SPTB: variants seen among roughly 807,000 people sequenced by gnomAD.
SPTB encodes the protein spectrin beta chain, erythrocytic.
A neutral mutation model predicts 256.2 loss-of-function variants in SPTB; 45 were observed. That is an observed-to-expected ratio of 0.18 (90% CI 0.14 to 0.23). SPTB has a LOEUF of 0.23. Ranked by LOEUF, SPTB falls within the 10% of genes least tolerant of loss-of-function variation. The probability of loss-of-function intolerance (pLI) is 1.00; values close to 1 mark genes in which losing one functional copy is unlikely to be tolerated. For missense variants in SPTB, 2,715 were observed against 3,040.4 expected, an observed-to-expected ratio of 0.89 and a Z score of 2.52; for synonymous variants, 1,231 against 1,243.1, an observed-to-expected ratio of 0.99 and a Z score of 0.21.
At position 64,837,704 on chromosome 14, in the gene SPTB, C is replaced by T. The variant is rs577154755; in HGVS notation, c.-51-14559G>A. Among the ~76,000 whole-genome samples, 5 of 152,240 alleles carry T rather than the reference C, an allele frequency of 3.3e-5. No homozygotes were observed. The South Asian group carries it at 8.3e-4, about 25-fold the overall frequency. ...GCAACCTCTGCCTCCCAGGTTCAAG[C>T]GATTCTCCTGCCTCAGGCTCCCAAG... On this transcript the variant is annotated intron_variant, in intron 1 of 35. Transcript: ENST00000644917.
chr14:64,762,539 C>T (rs1232795435), intron 32 of SPTB, among the ~76,000 whole-genome samples: 4 of 152,204 alleles, frequency 2.6e-5, no homozygotes, highest in Admixed American at 2.6e-4. Context: ...GCCTCACGTT[C>T]GTAAGTGCTG....
At chr14:64,843,153 T>C (rs1386734145) in intron 1 of SPTB, among the ~76,000 whole-genome samples, 3 of 152,230 alleles carry the variant, frequency 2.0e-5, no homozygotes, top group Non-Finnish European at 4.4e-5. Flanking sequence ...GTACTGGCCA[T>C]CTTGCCCTTT....
chr14:64,821,482 C>T lies in SPTB; in HGVS notation c.148+1465G>A, dbSNP rs75579875. Among the ~76,000 whole-genome samples, 152 of 152,292 alleles carry T rather than the reference C, an allele frequency of 1.0e-3. 1 individual carries two copies. The highest frequency in any genetic ancestry group is 1.6e-3 in the Non-Finnish European group (108 of 68,026). On this transcript the variant is annotated intron_variant, in intron 2 of 35. Transcript: ENST00000644917. ...TCTTACCTTGCTTTGGCAAATCTTA[C>T]GGAATATGGTACCCCTCTCCCTCCA...
At chr14:64,801,434 G>T in intron 6 of SPTB, 34 bp from the exon 7 acceptor site, 2 of 1,512,486 alleles carry the variant, frequency 1.3e-6, no homozygotes, top group Non-Finnish European at 9.2e-7. Flanking sequence ...AAAGGGAGTA[G>T]CCACAGCATC....
intron 1 of SPTB, among the ~76,000 whole-genome samples, chr14:64,871,493 A>G (rs1882531561): frequency 6.6e-6 from 1 of 152,226 alleles, no homozygotes; most frequent in African/African-American, 2.4e-5. Context: ...TGATGAACAC[A>G]GTGGTTCAGT....
rs937156888 is a variant in SPTB, at chr14:64,777,773, T to C, written c.4563+1384A>G. 6.6e-6 allele frequency among the ~76,000 whole-genome samples: 1 copy of C among 152,122 alleles called. No homozygotes were observed. The highest frequency in any genetic ancestry group is 6.5e-5 in the Admixed American group (1 of 15,284). ...GGTTTTAGGTGAGGAAATGATAAAA[T>C]TGGATTTATGGTTTAGCCAGGTGAG... On this transcript the variant is annotated intron_variant, in intron 22 of 35. Coordinates refer to ENST00000644917, the MANE Select transcript of SPTB (RefSeq NM_001355436.2). This position sits in a 1 kb window ranked among gnomAD's most constrained non-coding sequence, Gnocchi z 4.5.
chr14:64,768,084 C>G (rs1306679002), intron 29 of SPTB: 1 of 604,564 alleles, frequency 1.7e-6, no homozygotes, highest in African/African-American at 1.8e-5. Context: ...ATCTGTCACC[C>G]AGGCTGGAGT....
In SPTB at chr14:64,772,986, G is replaced by C. The variant is rs765469625; in HGVS notation, c.5179-32C>G. 7 of 1,588,368 alleles carry C rather than the reference G, an allele frequency of 4.4e-6. No individual in the cohort carries two copies. The highest frequency in any genetic ancestry group is 3.4e-5 in the South Asian group (3 of 88,870). On this transcript the variant is annotated intron_variant, in intron 25 of 35. Transcript: ENST00000644917. The surrounding 1 kb of genome is among the most constrained non-coding windows in gnomAD (Gnocchi z 5.4). ...ATGGGGCAGACAGAAATGTGGTTAT[G>C]GGGGGCACAGGGGTTACAGGTGTCA...
At chr14:64,820,575 G>T (rs1204645581) in intron 2 of SPTB, among the ~76,000 whole-genome samples, 1 of 152,182 alleles carries the variant, frequency 6.6e-6, no homozygotes, top group Non-Finnish European at 1.5e-5. Flanking sequence ...CTCCCTGGGG[G>T]GCATTCAGAT....
In SPTB at chr14:64,793,651, C is replaced by T. The variant is rs2082716296; in HGVS notation, c.2012G>A (p.Ser671Asn). 5 of 1,614,182 alleles carry T rather than the reference C, an allele frequency of 3.1e-6. No individual in the cohort carries two copies. Among genetic ancestry groups the T allele is most frequent in the Non-Finnish European group, 4.2e-6 (5 of 1,180,050 alleles). The change falls in exon 14 of 36, where the codon AGT becomes AAT. Residue 671 changes from serine to asparagine, a missense_variant. By Grantham distance (46) the Ser-to-Asn change is conservative. Transcript: ENST00000644917. The surrounding 1 kb of genome is among the most constrained non-coding windows in gnomAD (Gnocchi z 7.0). ...SSLDYGKDLT[S>N]VLILQRKHKA... ...GTGCTTGCGCTGTAAGATGAGCACA[C>T]TGGTCAGGTCTTTGCCATAGTCCAG...
At position 64,801,569 on chromosome 14, in the gene SPTB, T is replaced by G. The variant is rs529122566; in HGVS notation, c.648-169A>C. ...GGGGGCAGGTGTGAGCCTTGGCATA[T>G]GAGGGAAGTGGGCGGCAGGCATGCT... is the stretch of plus-strand genomic sequence containing the variant. On this transcript the variant is annotated intron_variant, in intron 6 of 35. Transcript: ENST00000644917. Among the ~76,000 whole-genome samples, 4 of 152,002 alleles carry G rather than the reference T, an allele frequency of 2.6e-5. No homozygotes were observed. In the East Asian group the frequency reaches 7.8e-4, roughly 30 times the overall value.
chr14:64,784,534 G>A, intron 18 of SPTB, 141 bp from the exon 19 acceptor site: 1 of 1,159,962 alleles, frequency 8.6e-7, no homozygotes, highest in South Asian at 1.3e-5. Flanking sequence ...TGCAGTTCTG[G>A]ATCCCTCTGT....
At position 64,767,654 on chromosome 14, in the gene SPTB, C is replaced by G. The variant is rs2082208719; in HGVS notation, c.6219+9G>C. On this transcript the variant is annotated intron_variant, in intron 30 of 35. Coordinates refer to ENST00000644917, the MANE Select transcript of SPTB (RefSeq NM_001355436.2). ...CCTCCTGAGCCTCCCAGCACTGTTC[C>G]CTGCTCACCGTGGTGGGCTTCTCCA... The G allele has an allele frequency of 1.2e-6, 2 of 1,613,878 alleles. No individual in the cohort carries two copies. Among genetic ancestry groups the G allele is most frequent in the East Asian group, 4.5e-5 (2 of 44,878 alleles).
At chr14:64,811,303 T>C (rs917667418) in intron 2 of SPTB, among the ~76,000 whole-genome samples, 4 of 152,154 alleles carry the variant, frequency 2.6e-5, no homozygotes, top group African/African-American at 9.7e-5. Context: ...CTTAAATGTA[T>C]AAAAAATTGT....
In SPTB at chr14:64,749,793, C is replaced by A. The variant is rs1484150636; in HGVS notation, c.6777-97G>T. Reference sequence around the variant, plus strand: ...TCCCACAATACCCTGAGCCGAACATCCAGACCCCTCTCAGGCAGCCCAGCA... The same window carrying A: ...TCCCACAATACCCTGAGCCGAACATACAGACCCCTCTCAGGCAGCCCAGCA... On this transcript the variant is annotated intron_variant, in intron 34 of 35. Coordinates refer to ENST00000644917, the MANE Select transcript of SPTB (RefSeq NM_001355436.2). The surrounding 1 kb of genome is among the most constrained non-coding windows in gnomAD (Gnocchi z 4.7). 1.2e-5 allele frequency: 18 copies of A among 1,530,316 alleles called. No homozygotes were observed. Among genetic ancestry groups the A allele is most frequent in the Non-Finnish European group, 1.5e-5 (17 of 1,118,466 alleles). The allele number at this position is 1,530,316 out of a possible 1,614,324, so 94.8% of individuals were successfully genotyped here. A position where few individuals can be genotyped will look rare whatever the true frequency, so the allele number is the denominator to read the frequency against.
rs139871838 is a variant in SPTB, at chr14:64,799,769, G to C, written c.1042C>G (p.Arg348Gly). 6.2e-7 allele frequency: 1 copy of C among 1,614,180 alleles called. No homozygotes were observed. Among genetic ancestry groups the C allele is most frequent in the South Asian group, 1.1e-5 (1 of 91,076 alleles). The change falls in exon 9 of 36, where the codon CGC (arginine) becomes GGC (glycine). Residue 348 changes from arginine (R) to glycine (G), a missense_variant. Transcript: ENST00000644917. ...TACTTGGGCGGCTTCTCCACGGTGC[G>C]GTAGGTGCTGAAGGCCTGCAGCTGC... The part of the protein sequence containing the change: ...QQQLQAFSTY[R>G]TVEKPPKFQE...
chr14:64,867,061 G>A (rs993387262), intron 1 of SPTB, among the ~76,000 whole-genome samples: 2 of 152,132 alleles, frequency 1.3e-5, no homozygotes, highest in East Asian at 3.9e-4. Flanking sequence ...AGACATATCT[G>A]ACGATGTAAG....
At position 64,853,046 on chromosome 14, in the gene SPTB, T is replaced by G. The variant is rs1046379482; in HGVS notation, c.-52+26746A>C. ...CTTCCCTGAGGAAGTAGCCTTTAAA[T>G]GGATACCTATGGGACAAATAAGAGA... On this transcript the variant is annotated intron_variant, in intron 1 of 35. Coordinates refer to ENST00000644917, the MANE Select transcript of SPTB (RefSeq NM_001355436.2). The surrounding 1 kb of genome is among the most constrained non-coding windows in gnomAD (Gnocchi z 4.3). Among the ~76,000 whole-genome samples the G allele has an allele frequency of 1.4e-4, 21 of 152,226 alleles. No homozygotes were observed. Among genetic ancestry groups the G allele is most frequent in the African/African-American group, 4.6e-4 (19 of 41,510 alleles).
rs1418919466 is a variant in SPTB, at chr14:64,823,724, T to C, written c.-51-579A>G. Among the ~76,000 whole-genome samples, 1 of 152,160 alleles carries C rather than the reference T, an allele frequency of 6.6e-6. No individual in the cohort carries two copies. The highest frequency in any genetic ancestry group is 1.5e-5 in the Non-Finnish European group (1 of 68,020). ...GGGGACTTCACTCCTCCCGGAGGCT[T>C]TCTGAGAGCCCTCTGAGTTCCTTCC... is the stretch of plus-strand genomic sequence containing the variant. On this transcript the variant is annotated intron_variant, in intron 1 of 35. Coordinates refer to ENST00000644917, the MANE Select transcript of SPTB (RefSeq NM_001355436.2). This position sits in a 1 kb window ranked among gnomAD's most constrained non-coding sequence, Gnocchi z 6.5.
Sources: gnomAD v4.1 joint callset for allele counts (sites outside exome capture counted in the v4.1 genomes callset) on GRCh38, gnomAD v4.1.1 for gene constraint, Gnocchi (gnomAD v3.1) non-coding constraint, MANE v1.5 for transcripts, NCBI Gene and HGNC (gene_info 2026-07-23, HGNC 2026-07-21) for gene names.